The following TANC2 variants were observed in gnomAD, a reference collection of about 807,000 sequenced individuals.
TANC2 encodes the protein protein TANC2.
TANC2 carries 26 observed loss-of-function variants against 210.5 expected under a neutral mutation model. The ratio of observed to expected loss-of-function variants is 0.12; its 90% CI spans 0.09 to 0.17. The LOEUF is 0.17. TANC2 is among the 10% of genes least tolerant of loss of function. The pLI is 1.00. For missense variants in TANC2, 2,129 were observed against 2,608.9 expected (o/e 0.82, Z 4.01); for synonymous variants, 931 against 967.1 (o/e 0.96, Z 0.69).
Position 63,266,370 on chromosome 17 carries a change from T to G in TANC2, c.1034-1378T>G, listed in dbSNP as rs560079269. On this transcript the variant is annotated intron_variant, in intron 8 of 27. Coordinates refer to ENST00000689528, the Ensembl canonical transcript of TANC2. ...CGGCACAGTGCTGACATTTTTTTAC[T>G]AACAATTTTGTTATATTTGTTAAAT... Among the ~76,000 whole-genome samples, 13 of 152,292 alleles carry G rather than the reference T, an allele frequency of 8.5e-5. No individual in the cohort carries two copies. In the South Asian group the frequency reaches 2.5e-3, roughly 29 times the overall value.
At chr17:63,011,223 T>C (rs2033858435) in intron 2 of TANC2, among the ~76,000 whole-genome samples, 1 of 151,680 alleles carries the variant, frequency 6.6e-6, no homozygotes, top group Non-Finnish European at 1.5e-5. Flanking sequence ...TTTTTTGTTG[T>C]TTTGTGTGTG....
chr17:63,369,942 C>T (rs2047216467), intron 14 of TANC2, among the ~76,000 whole-genome samples: 1 of 151,760 alleles, frequency 6.6e-6, no homozygotes, highest in South Asian at 2.1e-4. Context: ...ACCTTCCCTA[C>T]ACAAAAAAAA....
At chr17:63,416,695 A>G (rs1354121393) in intron 26 of TANC2, among the ~76,000 whole-genome samples, 1 of 151,634 alleles carries the variant, frequency 6.6e-6, no homozygotes, top group African/African-American at 2.4e-5. Flanking sequence ...AGTTAAACCT[A>G]TCTCAGAGAA....
intron 4 of TANC2, chr17:63,149,244 A>G (rs1465912146): frequency 6.6e-6 from 1 of 152,040 alleles, no homozygotes; most frequent in Non-Finnish European, 1.5e-5. Context: ...TCTGATTAAC[A>G]CCATATAGTC....
chr17:63,041,191 A>T (rs1011802293), intron 2 of TANC2, among the ~76,000 whole-genome samples: 1 of 152,184 alleles, frequency 6.6e-6, no homozygotes, highest in African/African-American at 2.4e-5. Context: ...AAAGAAAAAA[A>T]AATTAAAAAC....
chr17:63,077,182 C>T (rs577174443), intron 3 of TANC2, among the ~76,000 whole-genome samples: 1 of 152,144 alleles, frequency 6.6e-6, no homozygotes, highest in African/African-American at 2.4e-5. Flanking sequence ...ACTTCTCAGT[C>T]GTAGCATTGG....
chr17:62,970,423 A>C (rs1477673070), intron 1 of TANC2, among the ~76,000 whole-genome samples: 1 of 152,230 alleles, frequency 6.6e-6, no homozygotes, highest in Non-Finnish European at 1.5e-5. Context: ...TAACATTGTT[A>C]AACATTAATA....
intron 4 of TANC2, among the ~76,000 whole-genome samples, chr17:63,134,208 C>T (rs907642943): frequency 6.6e-6 from 1 of 152,004 alleles, no homozygotes; most frequent in Non-Finnish European, 1.5e-5. Context: ...ATTTTTCATC[C>T]GCTCTAGATG....
At chr17:63,310,865 G>A (rs2045101475) in intron 9 of TANC2, among the ~76,000 whole-genome samples, 1 of 152,260 alleles carries the variant, frequency 6.6e-6, no homozygotes, top group South Asian at 2.1e-4. Context: ...GAGCAATTTG[G>A]TAAGGTGTAT....
At chr17:63,168,198 A>G (rs1460431728) in intron 5 of TANC2, among the ~76,000 whole-genome samples, 1 of 152,164 alleles carries the variant, frequency 6.6e-6, no homozygotes, top group African/African-American at 2.4e-5. Context: ...CAAGACTCTC[A>G]TATCTTCAAA....
At chr17:63,081,496 G>C (rs543656219) in intron 3 of TANC2, among the ~76,000 whole-genome samples, 1 of 152,056 alleles carries the variant, frequency 6.6e-6, no homozygotes, top group African/African-American at 2.4e-5. Context: ...CAGTTTGAAG[G>C]TTTTTGAAAA....
chr17:63,328,063 T>C (rs2045707837), intron 11 of TANC2, among the ~76,000 whole-genome samples: 1 of 152,174 alleles, frequency 6.6e-6, no homozygotes, highest in Admixed American at 6.5e-5. Flanking sequence ...CCGGAGGCCA[T>C]CATGCTTAGC....
At chr17:63,402,786 T>G (rs1267231691) in intron 19 of TANC2, among the ~76,000 whole-genome samples, 1 of 152,262 alleles carries the variant, frequency 6.6e-6, no homozygotes, top group South Asian at 2.1e-4. Context: ...CTGCTCTGTT[T>G]GCAGTTTGGT....
chr17:63,372,519 T>TA lies in TANC2; in HGVS notation c.2583-7198dup, dbSNP rs147120839. Among the ~76,000 whole-genome samples, 1,468 of 152,374 alleles carry TA rather than the reference T, an allele frequency of 9.6e-3. 24 individuals carry two copies. The highest frequency in any genetic ancestry group is 0.033 in the African/African-American group (1,364 of 41,594). On this transcript the variant is annotated intron_variant, in intron 14 of 27. Coordinates refer to ENST00000689528, the Ensembl canonical transcript of TANC2. ...ACTGGTCATTCCTTTAGTTTAGCGTTACACTAGTTACTCTGAAGAATATAA... is the reference window on the plus strand; with the variant it reads ...ACTGGTCATTCCTTTAGTTTAGCGTTAACACTAGTTACTCTGAAGAATATAA...
At chr17:63,196,886 A>T (rs1000903924) in intron 6 of TANC2, among the ~76,000 whole-genome samples, 1 of 152,156 alleles carries the variant, frequency 6.6e-6, no homozygotes, top group African/African-American at 2.4e-5. Context: ...TTCAAATAAG[A>T]TATGGAAACA....
intron 8 of TANC2, among the ~76,000 whole-genome samples, chr17:63,264,677 A>G (rs565160517): frequency 3.3e-5 from 5 of 152,290 alleles, no homozygotes; most frequent in African/African-American, 9.6e-5. Flanking sequence ...ATAGTAGTGT[A>G]TATGGAAAGT....
Position 63,213,252 on chromosome 17 carries a change from A to T in TANC2, c.769+12295A>T, listed in dbSNP as rs979505769. ...GGTTAGAATACACAGAGACAAGTACATCTTAGCCAACTGTGACATGGTACC... is the reference window on the plus strand; with the variant it reads ...GGTTAGAATACACAGAGACAAGTACTTCTTAGCCAACTGTGACATGGTACC... On this transcript the variant is annotated intron_variant, in intron 7 of 27. Coordinates refer to ENST00000689528, the Ensembl canonical transcript of TANC2. Among the ~76,000 whole-genome samples the T allele has an allele frequency of 3.9e-5, 6 of 152,230 alleles. 1 individual carries two copies. The South Asian group carries it at 1.2e-3, about 31-fold the overall frequency.
intron 1 of TANC2, among the ~76,000 whole-genome samples, chr17:62,993,893 A>G (rs374840849): frequency 6.6e-5 from 10 of 152,222 alleles, no homozygotes; most frequent in African/African-American, 2.4e-4. Flanking sequence ...CATGCCACGC[A>G]CTGCAGCCTG....
intron 3 of TANC2, among the ~76,000 whole-genome samples, chr17:63,087,173 GGT>G (rs1194209572): frequency 6.6e-6 from 1 of 152,158 alleles, no homozygotes; most frequent in African/African-American, 2.4e-5. Context: ...ACTGTAACTG[GGT>G]GTGTTTCTAA....
Sources: gnomAD v4.1 joint callset for allele counts (sites outside exome capture counted in the v4.1 genomes callset) on GRCh38, gnomAD v4.1.1 for gene constraint, MANE v1.5 for transcripts, NCBI Gene and HGNC (gene_info 2026-07-23, HGNC 2026-07-21) for gene names.